EXT1: variants seen among roughly 807,000 people sequenced by gnomAD.
EXT1 encodes exostosin-1.
In EXT1, 20 loss-of-function variants were observed where a neutral mutation model predicts 82.5. The ratio of observed to expected loss-of-function variants is 0.24; its 90% CI spans 0.17 to 0.35. EXT1 has a LOEUF of 0.35. EXT1 is among the 10% of genes least tolerant of loss of function. The pLI is 1.00. For synonymous variants in EXT1, 348 were observed against 350.8 expected (o/e 0.99, Z 0.09); for missense variants, 757 against 936.5 (o/e 0.81, Z 2.50).
At chr8:117,918,080 T>C (rs981994672) in intron 1 of EXT1, among the ~76,000 whole-genome samples, 1 of 152,168 alleles carries the variant, frequency 6.6e-6, no homozygotes, top group Non-Finnish European at 1.5e-5. Flanking sequence ...ACTTCCTTGC[T>C]GAGCTTCAAA....
At chr8:117,917,401 G>T (rs1813772609) in intron 1 of EXT1, among the ~76,000 whole-genome samples, 1 of 152,112 alleles carries the variant, frequency 6.6e-6, no homozygotes, top group African/African-American at 2.4e-5. Context: ...GGAGGTGGAG[G>T]TTGCAGTGAG....
chr8:118,095,451 C>CA (rs2130008373), intron 1 of EXT1, among the ~76,000 whole-genome samples: 1 of 152,302 alleles, frequency 6.6e-6, no homozygotes, highest in Admixed American at 6.5e-5. Flanking sequence ...CCTGCATTGA[C>CA]AGGTTTGCAA....
At chr8:118,096,652 AAGGAAGGAAGGAAGGAAGGAAGGGAGGG>A (rs139680300) in intron 1 of EXT1, among the ~76,000 whole-genome samples, 4,628 of 113,316 alleles carry the variant, frequency 0.041, 249 homozygotes, top group South Asian at 0.15. Flanking sequence ...GGAAGGAAGG[AAGGAAGGAAGGAAGGAAGGAAGGGAGGG>A]AGGGAGGGAG....
chr8:117,848,811 T>G (rs2129823550), intron 1 of EXT1, among the ~76,000 whole-genome samples: 1 of 152,310 alleles, frequency 6.6e-6, no homozygotes, highest in South Asian at 2.1e-4. Flanking sequence ...TTACTAGTTT[T>G]AAACAGAATG....
At chr8:117,839,493 G>A (rs1390121890) in intron 1 of EXT1, among the ~76,000 whole-genome samples, 33 of 152,128 alleles carry the variant, frequency 2.2e-4, no homozygotes, top group Admixed American at 2.2e-3. Flanking sequence ...TGTATGCAGT[G>A]CATGTCTAAC....
intron 1 of EXT1, among the ~76,000 whole-genome samples, chr8:117,894,310 A>T (rs532664611): frequency 7.1e-4 from 108 of 152,156 alleles, no homozygotes; most frequent in African/African-American, 2.5e-3. Flanking sequence ...AGTGGCTGAG[A>T]TTACAGGTGT....
rs146108006 is a variant in EXT1 at position 117,819,709 on chromosome 8, G to C, written c.1503C>G (p.Leu501=). The change falls in exon 6 of 11, where the codon CTC becomes CTG. Residue 501 remains leucine, a synonymous_variant. Transcript: ENST00000378204. ...AGTACTGGGACTTGGCTGCAGCCAC[G>C]AGAAGCTTCAACACTGGCTGGGACT... is the stretch of plus-strand genomic sequence containing the variant. ...VSQSQPVLKL[L]VAAAKSQYCA... is the part of the protein sequence containing the mutation. The C allele has an allele frequency of 7.4e-5, 119 of 1,612,848 alleles. 3 individuals are homozygous for C. The Admixed American group carries it at 1.9e-3, about 26-fold the overall frequency.
chr8:117,916,536 T>C (rs116747300), intron 1 of EXT1, among the ~76,000 whole-genome samples: 3,095 of 152,220 alleles, frequency 0.02, 106 homozygotes, highest in African/African-American at 0.071. Flanking sequence ...GAAAGAATAA[T>C]AGAAGGCATT....
intron 1 of EXT1, among the ~76,000 whole-genome samples, chr8:117,940,375 T>C (rs141397300): frequency 2.2e-4 from 33 of 152,014 alleles, no homozygotes; most frequent in African/African-American, 7.5e-4. Context: ...GTGGAAAGAG[T>C]GGCAAGCTGA....
chr8:118,056,640 C>T (rs779876361), intron 1 of EXT1, among the ~76,000 whole-genome samples: 35 of 152,060 alleles, frequency 2.3e-4, no homozygotes, highest in Non-Finnish European at 4.7e-4. Flanking sequence ...GCCTGGGTGA[C>T]CATCCATGAG....
At chr8:117,914,721 A>T (rs1007539230) in intron 1 of EXT1, among the ~76,000 whole-genome samples, 30 of 152,156 alleles carry the variant, frequency 2.0e-4, no homozygotes, top group African/African-American at 7.2e-4. Context: ...AGGGTGGGGA[A>T]AAACTCTGCC....
chr8:118,045,261 A>G (rs1394738274), intron 1 of EXT1, among the ~76,000 whole-genome samples: 1 of 152,208 alleles, frequency 6.6e-6, no homozygotes, highest in Non-Finnish European at 1.5e-5. Context: ...TGCTCGCAGA[A>G]CTGTCTGGTA....
At chr8:118,107,966 A>G (rs531117829) in intron 1 of EXT1, among the ~76,000 whole-genome samples, 8 of 152,330 alleles carry the variant, frequency 5.3e-5, no homozygotes, top group African/African-American at 1.9e-4. Flanking sequence ...TTTCTACGAA[A>G]TGCCACTTTT....
intron 1 of EXT1, among the ~76,000 whole-genome samples, chr8:117,959,737 C>A (rs751272436): frequency 3.3e-5 from 5 of 152,178 alleles, no homozygotes; most frequent in Non-Finnish European, 5.9e-5. Context: ...CACAGTGAAT[C>A]AGGCACTTGA....
intron 1 of EXT1, among the ~76,000 whole-genome samples, chr8:117,852,193 G>A (rs1812466845): frequency 6.6e-6 from 1 of 152,136 alleles, no homozygotes. Context: ...TGTGACTTCA[G>A]GACCCAAGTT....
rs368751267 is a variant in EXT1 at position 117,847,178 on chromosome 8, G to A, written c.963-9977C>T. On this transcript the variant is annotated intron_variant, in intron 1 of 10. Transcript: ENST00000378204. ...CACCAATTTGCATTAAAGTGTACAGGGGCTATGGAAGCAAGAAGATAACAA... is the reference window on the plus strand; with the variant it reads ...CACCAATTTGCATTAAAGTGTACAGAGGCTATGGAAGCAAGAAGATAACAA... 1.8e-4 allele frequency among the ~76,000 whole-genome samples: 27 copies of A among 152,124 alleles called. 1 individual carries two copies. The highest frequency in any genetic ancestry group is 1.0e-3 in the Admixed American group (16 of 15,268).
At chr8:117,876,884 T>C (rs17503934) in intron 1 of EXT1, among the ~76,000 whole-genome samples, 44,370 of 151,968 alleles carry the variant, frequency 0.29, 7,081 homozygotes, top group African/African-American at 0.42. Flanking sequence ...ACAACAAAAT[T>C]GTAAAGGAAT....
intron 1 of EXT1, among the ~76,000 whole-genome samples, chr8:118,004,208 A>G (rs1198539205): frequency 6.6e-6 from 1 of 152,254 alleles, no homozygotes; most frequent in East Asian, 1.9e-4. Flanking sequence ...CTCCTCAACT[A>G]GAATGTCAAT....
At chr8:117,892,102 T>A (rs1237078219) in intron 1 of EXT1, among the ~76,000 whole-genome samples, 1 of 152,104 alleles carries the variant, frequency 6.6e-6, no homozygotes, top group East Asian at 1.9e-4. Context: ...ACCGTGCCCA[T>A]TCAAGAAAGG....
Sources: allele counts gnomAD v4.1 joint callset (sites outside exome capture counted in the v4.1 genomes callset), GRCh38; gene constraint gnomAD v4.1.1; transcripts MANE v1.5; gene names NCBI Gene and HGNC (gene_info 2026-07-23, HGNC 2026-07-21).